TAOK1: variants seen among roughly 807,000 people sequenced by gnomAD.
The protein encoded by TAOK1 is serine/threonine-protein kinase TAO1.
TAOK1 carries 21 observed loss-of-function variants against 138.3 expected under a neutral mutation model. The ratio of observed to expected loss-of-function variants is 0.15; its 90% CI spans 0.11 to 0.22. TAOK1 has a LOEUF of 0.22. Ranked by LOEUF, TAOK1 falls within the 10% of genes least tolerant of loss-of-function variation. The pLI, the probability that TAOK1 is intolerant of heterozygous loss-of-function variation, is 1.00. For synonymous variants in TAOK1, 361 were observed against 398.4 expected, an observed-to-expected ratio of 0.91 and a Z score of 1.12; for missense variants, 651 against 1,227.7, an observed-to-expected ratio of 0.53 and a Z score of 7.02.
intron 17 of TAOK1, among the ~76,000 whole-genome samples, chr17:29,528,210 G>T (rs2958214): frequency 6.6e-6 from 1 of 151,726 alleles, no homozygotes; most frequent in African/African-American, 2.4e-5. Context: ...CCACCACACC[G>T]GGCTAATTTT....
At chr17:29,513,198 TATA>T (rs977816027) in intron 15 of TAOK1, 2 of 152,112 alleles carry the variant, frequency 1.3e-5, no homozygotes, top group African/African-American at 4.8e-5. Flanking sequence ...GAATTTGCCT[TATA>T]ATCAGATATG....
intron 1 of TAOK1, among the ~76,000 whole-genome samples, chr17:29,411,361 G>T (rs1905139744): frequency 6.6e-6 from 1 of 151,886 alleles, no homozygotes; most frequent in Admixed American, 6.6e-5. Flanking sequence ...AAAGTGCTGG[G>T]ATTACAGGCG....
At chr17:29,530,647 A>C (rs201070435) in intron 18 of TAOK1, 28 bp downstream of exon 18, 4 of 1,575,638 alleles carry the variant, frequency 2.5e-6, no homozygotes, top group Non-Finnish European at 2.6e-6. Flanking sequence ...GGGGCAAAAC[A>C]AATTTAGTGC....
At chr17:29,466,136 A>G (rs1002045342) in intron 2 of TAOK1, among the ~76,000 whole-genome samples, 4 of 152,026 alleles carry the variant, frequency 2.6e-5, no homozygotes, top group African/African-American at 7.3e-5. Flanking sequence ...TCTAGTTTCA[A>G]AATCTTTTGC....
In TAOK1 at chr17:29,438,393, A is replaced by G. The variant is rs902850798; in HGVS notation, c.-94-13062A>G. ...GAAGTTTGCAAATACCTATAAAGCTATCTGGTTCTGGCTGGATGCAGTGGC... is the reference window on the plus strand; with the variant it reads ...GAAGTTTGCAAATACCTATAAAGCTGTCTGGTTCTGGCTGGATGCAGTGGC... On this transcript the variant is annotated intron_variant, in intron 1 of 19. Coordinates refer to ENST00000261716, the MANE Select transcript of TAOK1 (RefSeq NM_020791.4). Among the ~76,000 whole-genome samples the G allele has an allele frequency of 5.9e-5, 9 of 152,288 alleles. No homozygotes were observed. In the South Asian group the frequency reaches 6.2e-4, roughly 11 times the overall value.
Position 29,502,802 on chromosome 17 carries a change from A to G in TAOK1, c.1338+79A>G. The G allele has an allele frequency of 2.1e-6, 3 of 1,454,802 alleles. No homozygotes were observed. The Admixed American group carries it at 6.9e-5, about 34-fold the overall frequency. 90.1% of individuals were successfully genotyped at this position (1,454,802 alleles called of 1,614,324 possible). ...AATATAAACTCAAGTATAGCTATAT[A>G]TTGTTTTGTATTTGGGTTTTATTTT... On this transcript the variant is annotated intron_variant, in intron 13 of 19. Coordinates refer to ENST00000261716, the MANE Select transcript of TAOK1 (RefSeq NM_020791.4).
At chr17:29,463,067 TC>T (rs909021144) in intron 2 of TAOK1, among the ~76,000 whole-genome samples, 1 of 152,216 alleles carries the variant, frequency 6.6e-6, no homozygotes, top group African/African-American at 2.4e-5. Flanking sequence ...CATCTTTTTT[TC>T]AAGTTCATTT....
rs1598537117 is a variant in TAOK1, at chr17:29,549,566, T to C, written c.*6544T>C. 2 of 152,234 alleles carry C rather than the reference T, an allele frequency of 1.3e-5. No homozygotes were observed. Among genetic ancestry groups the C allele is most frequent in the African/African-American group, 4.8e-5 (2 of 41,464 alleles). The allele number at this position is 152,234 out of a possible 1,614,324, so 9.4% of individuals were successfully genotyped here. A position where few individuals can be genotyped will look rare whatever the true frequency, so the allele number is the denominator to read the frequency against. ...CAAATACATTGCCTGGGCATGAACATTGTTACCGTAAATTGCACATGGTCA... is the reference window on the plus strand; with the variant it reads ...CAAATACATTGCCTGGGCATGAACACTGTTACCGTAAATTGCACATGGTCA... On this transcript the variant is annotated 3_prime_UTR_variant, in exon 20 of 20. Transcript: ENST00000261716.
intron 13 of TAOK1, among the ~76,000 whole-genome samples, chr17:29,503,621 G>C (rs1280756613): frequency 1.3e-5 from 2 of 152,030 alleles, no homozygotes. Context: ...CATGATAAAG[G>C]ATACTAAGGA....
At chr17:29,479,166 G>A (rs971515814) in intron 6 of TAOK1, among the ~76,000 whole-genome samples, 5 of 151,298 alleles carry the variant, frequency 3.3e-5, no homozygotes, top group African/African-American at 1.2e-4. Flanking sequence ...AAAAACAGAA[G>A]CTGCTTAAGA....
intron 1 of TAOK1, among the ~76,000 whole-genome samples, chr17:29,398,277 G>A (rs1904725200): frequency 6.6e-6 from 1 of 150,416 alleles, no homozygotes; most frequent in South Asian, 2.1e-4. Flanking sequence ...GCATGATCTC[G>A]CTCACTGCAA....
chr17:29,542,032 C>T (rs1038062500), intron 19 of TAOK1, among the ~76,000 whole-genome samples: 4 of 151,866 alleles, frequency 2.6e-5, no homozygotes, highest in African/African-American at 7.3e-5. Flanking sequence ...CCGCCACCAC[C>T]ATGCCCGGCT....
chr17:29,429,843 A>G (rs1428845675), intron 1 of TAOK1, among the ~76,000 whole-genome samples: 4 of 152,104 alleles, frequency 2.6e-5, no homozygotes, highest in Admixed American at 2.0e-4. Flanking sequence ...TTATCTCTGA[A>G]GTTTTGAGTT....
Position 29,542,845 on chromosome 17 carries a change from A to G in TAOK1, c.2829A>G (p.Pro943=). 5.0e-6 allele frequency: 8 copies of G among 1,614,122 alleles called. No homozygotes were observed. Among genetic ancestry groups the G allele is most frequent in the Non-Finnish European group, 6.8e-6 (8 of 1,179,992 alleles). ...WGHPMQGGPQ[P]WGHPSGPMQG... is the part of the protein sequence containing the mutation. Reference sequence around the variant, plus strand: ...ATCCAATGCAAGGTGGACCCCAGCCATGGGGTCACCCTTCAGGGCCAATGC... The same window carrying G: ...ATCCAATGCAAGGTGGACCCCAGCCGTGGGGTCACCCTTCAGGGCCAATGC... Residue 943 remains proline (P), a synonymous_variant, in exon 20 of 20, where the codon CCA becomes CCG. Coordinates refer to ENST00000261716, the MANE Select transcript of TAOK1 (RefSeq NM_020791.4).
At chr17:29,527,856 C>G (rs189309501) in intron 17 of TAOK1, among the ~76,000 whole-genome samples, 1 of 152,276 alleles carries the variant, frequency 6.6e-6, no homozygotes, top group Non-Finnish European at 1.5e-5. Flanking sequence ...TCATAGAATA[C>G]CCAACCTACT....
At chr17:29,533,512 C>T (rs1202376708) in intron 18 of TAOK1, among the ~76,000 whole-genome samples, 1 of 151,838 alleles carries the variant, frequency 6.6e-6, no homozygotes, top group South Asian at 2.1e-4. Context: ...GAGGTTGTAG[C>T]GAGCCGAGAT....
chr17:29,401,553 A>G (rs966292111), intron 1 of TAOK1, among the ~76,000 whole-genome samples: 9 of 152,188 alleles, frequency 5.9e-5, no homozygotes, highest in African/African-American at 1.4e-4. Flanking sequence ...ATCCACCCCA[A>G]TGATCCAATC....
chr17:29,399,875 G>A (rs1437415544), intron 1 of TAOK1, among the ~76,000 whole-genome samples: 2 of 151,916 alleles, frequency 1.3e-5, no homozygotes, highest in African/African-American at 2.4e-5. Flanking sequence ...GACTACAGGC[G>A]TGCACCACCA....
At chr17:29,497,931 A>G (rs1243296831) in intron 11 of TAOK1, among the ~76,000 whole-genome samples, 1 of 151,716 alleles carries the variant, frequency 6.6e-6, no homozygotes. Context: ...TTTTAAAAGG[A>G]GAGATTTGTA....
Sources: gnomAD v4.1 joint callset for allele counts (sites outside exome capture counted in the v4.1 genomes callset) on GRCh38, gnomAD v4.1.1 for gene constraint, MANE v1.5 for transcripts, NCBI Gene and HGNC (gene_info 2026-07-23, HGNC 2026-07-21) for gene names.